ANK3: variants seen among roughly 807,000 people sequenced by gnomAD.
ANK3 encodes the protein ankyrin-3.
A neutral mutation model predicts 370.9 loss-of-function variants in ANK3; 57 were observed. The observed-to-expected ratio is 0.15, with a 90% confidence interval of 0.12 to 0.19. ANK3 has a LOEUF of 0.19. Among genes scored for constraint, ANK3 ranks in the 10% least tolerant of loss-of-function variants. ANK3 has a pLI of 1.00. For synonymous variants in ANK3, 1,929 were observed against 1,946.3 expected, an observed-to-expected ratio of 0.99 and a Z score of 0.23; for missense variants, 4,439 against 5,302.1, an observed-to-expected ratio of 0.84 and a Z score of 5.06.
At chr10:60,453,065 T>C (rs1378020503) in intron 2 of ANK3, among the ~76,000 whole-genome samples, 1 of 152,182 alleles carries the variant, frequency 6.6e-6, no homozygotes, top group Non-Finnish European at 1.5e-5. Context: ...ATGAAAATGA[T>C]CTCTAGGGGA....
At chr10:60,470,760 A>G (rs1434937393) in intron 2 of ANK3, among the ~76,000 whole-genome samples, 1 of 152,166 alleles carries the variant, frequency 6.6e-6, no homozygotes, top group African/African-American at 2.4e-5. Flanking sequence ...GGAATAGCAC[A>G]GAGTAGAGAG....
chr10:60,367,443 A>G (rs1038534440), intron 1 of ANK3, among the ~76,000 whole-genome samples: 3 of 152,228 alleles, frequency 2.0e-5, no homozygotes, highest in Admixed American at 2.0e-4. Context: ...TTTGGCTTTG[A>G]AATTAGAGAA....
chr10:60,328,860 T>C (rs1018755450), intron 1 of ANK3, among the ~76,000 whole-genome samples: 2 of 152,216 alleles, frequency 1.3e-5, no homozygotes, highest in African/African-American at 4.8e-5. Context: ...ATATCCCTGA[T>C]GAACATCAAT....
intron 28 of ANK3, among the ~76,000 whole-genome samples, chr10:60,091,264 G>A (rs1233226227): frequency 1.3e-5 from 2 of 152,148 alleles, no homozygotes; most frequent in African/African-American, 4.8e-5. Flanking sequence ...TAAGGGAATG[G>A]TTACATAAGT....
intron 1 of ANK3, among the ~76,000 whole-genome samples, chr10:60,368,230 TAC>T (rs3045441): frequency 7.5e-4 from 112 of 148,718 alleles, no homozygotes; most frequent in Middle Eastern, 3.4e-3. Context: ...CTAGTGCATG[TAC>T]ACACACACAC....
intron 8 of ANK3, among the ~76,000 whole-genome samples, chr10:60,223,136 T>A (rs1007263248): frequency 6.6e-6 from 1 of 152,222 alleles, no homozygotes; most frequent in African/African-American, 2.4e-5. Flanking sequence ...ATCAGTTTAA[T>A]GAAAATCCCA....
In ANK3 at chr10:60,173,143, A is replaced by G. The variant is rs780258666; in HGVS notation, c.2228T>C (p.Ile743Thr). Residue 743 changes from isoleucine to threonine, a missense_variant, in exon 19 of 44, where the codon ATC (isoleucine) becomes ACC (threonine). Transcript: ENST00000280772. ...CTGGAGCAGGAAATTAACAATCTTG[A>G]TATTTCCATAGTGGCAGCCCACATG... ...PLHVGCHYGN[I>T]KIVNFLLQHS... 5 of 1,613,980 alleles carry G rather than the reference A, an allele frequency of 3.1e-6. No individual in the cohort carries two copies. The South Asian group carries it at 4.4e-5, about 14-fold the overall frequency.
In ANK3 at chr10:60,506,318, C is replaced by G. The variant is rs901005258; in HGVS notation, c.96+108868G>C. 2.0e-5 allele frequency among the ~76,000 whole-genome samples: 3 copies of G among 152,020 alleles called. No individual in the cohort carries two copies. The East Asian group carries it at 5.8e-4, about 29-fold the overall frequency. ...CTATGCAAATGACACATAATGCAAA[C>G]AAAATCACTCAAGAAAATCCCAAAG... On this transcript the variant is annotated intron_variant, in intron 2 of 43. Transcript: ENST00000373827.
At position 60,072,082 on chromosome 10, in the gene ANK3, A is replaced by G; in HGVS notation, c.8799T>C (p.Tyr2933=). The part of the protein sequence containing the change: ...SPSKKVLYRE[Y]VVKEGDHPGG... ...CTGGATGGTCCCCTTCTTTCACAAC[A>G]TATTCCCTATATAAGACTTTTTTGG... Residue 2933 remains tyrosine, a synonymous_variant, in exon 37 of 44, where the codon TAT becomes TAC. Coordinates refer to ENST00000280772, the MANE Select transcript of ANK3 (RefSeq NM_020987.5). 1.2e-6 allele frequency: 2 copies of G among 1,614,038 alleles called. No individual in the cohort carries two copies. The highest frequency in any genetic ancestry group is 1.7e-6 in the Non-Finnish European group (2 of 1,180,010).
intron 25 of ANK3, among the ~76,000 whole-genome samples, chr10:60,128,351 T>C (rs937664183): frequency 6.6e-6 from 1 of 151,210 alleles, no homozygotes; most frequent in Non-Finnish European, 1.5e-5. Flanking sequence ...GAGTTACTCA[T>C]GCTCTCTGTG....
chr10:60,230,999 A>T (rs552638640), intron 8 of ANK3, among the ~76,000 whole-genome samples: 1 of 152,234 alleles, frequency 6.6e-6, no homozygotes, highest in African/African-American at 2.4e-5. Flanking sequence ...ACAATAACTA[A>T]TTATTCTTAA....
chr10:60,670,966 A>C (rs575908861), intron 1 of ANK3, among the ~76,000 whole-genome samples: 1 of 152,338 alleles, frequency 6.6e-6, no homozygotes, highest in African/African-American at 2.4e-5. Context: ...ATGAGGACAC[A>C]ATGTAACTTT....
chr10:60,422,919 G>A (rs141863155), intron 2 of ANK3, among the ~76,000 whole-genome samples: 395 of 152,086 alleles, frequency 2.6e-3, no homozygotes, highest in African/African-American at 9.1e-3. Context: ...TACCAAATCG[G>A]AATACATGCT....
intron 18 of ANK3, among the ~76,000 whole-genome samples, chr10:60,180,615 C>CAAAAAAAA (rs990463587): frequency 3.8e-5 from 4 of 106,150 alleles, no homozygotes; most frequent in African/African-American, 7.0e-5. Context: ...AAAAAAAAAC[C>CAAAAAAAA]AAAAAAAAAA....
At chr10:60,449,823 G>C (rs1299700430) in intron 2 of ANK3, among the ~76,000 whole-genome samples, 1 of 152,154 alleles carries the variant, frequency 6.6e-6, no homozygotes, top group Non-Finnish European at 1.5e-5. Context: ...CCAGAATACA[G>C]AATATTCCTT....
chr10:60,069,115 G>GTT lies in ANK3; in HGVS notation c.11764_11765dup (p.Asn3922LysfsTer3). On this transcript the variant is annotated frameshift_variant, in exon 37 of 44. Transcript: ENST00000280772. LOFTEE classifies it high-confidence loss of function. Reference sequence around the variant, plus strand: ...CACATGCTTTTCTAACTGCAATTATGTTATCCCTGTGTGTGTTTTTCACTG... The same window carrying GTT: ...CACATGCTTTTCTAACTGCAATTATGTTTTATCCCTGTGTGTGTTTTTCACTG... The GTT allele has an allele frequency of 6.2e-7, 1 of 1,614,080 alleles. No homozygotes were observed. The highest frequency in any genetic ancestry group is 8.5e-7 in the Non-Finnish European group (1 of 1,179,996).
intron 1 of ANK3, among the ~76,000 whole-genome samples, chr10:60,696,800 T>C (rs1277297359): frequency 2.1e-5 from 3 of 144,082 alleles, no homozygotes; most frequent in Non-Finnish European, 4.5e-5. Context: ...AATATCATAC[T>C]GAATGGGCAA....
chr10:60,197,239 C>T (rs530378417), intron 14 of ANK3, among the ~76,000 whole-genome samples: 40 of 152,256 alleles, frequency 2.6e-4, no homozygotes, highest in Non-Finnish European at 3.7e-4. Flanking sequence ...AGAATGACGA[C>T]GTCTATTCTG....
chr10:60,633,824 T>C (rs1290365709), intron 1 of ANK3, among the ~76,000 whole-genome samples: 1 of 152,222 alleles, frequency 6.6e-6, no homozygotes, highest in Non-Finnish European at 1.5e-5. Context: ...TTCTCTCTTT[T>C]TCTTTCATTT....
Sources: allele counts gnomAD v4.1 joint callset (sites outside exome capture counted in the v4.1 genomes callset), GRCh38; gene constraint gnomAD v4.1.1; transcripts MANE v1.5; gene names NCBI Gene and HGNC (gene_info 2026-07-23, HGNC 2026-07-21).